The following ZNF479 variants were observed in gnomAD, a reference collection of about 807,000 sequenced individuals.
The protein encoded by ZNF479 is KRAB zinc finger protein KR19.
Under a neutral mutation model 14.7 loss-of-function variants are expected in ZNF479, and 15 were observed. The ratio of observed to expected loss-of-function variants is 1.02; its 90% CI spans 0.68 to 1.57. ZNF479 has a LOEUF of 1.57. Among genes scored for constraint, ZNF479 ranks in the 40% most tolerant of loss-of-function variants. The pLI is 0.00. For missense variants in ZNF479, 506 were observed against 615.1 expected, an observed-to-expected ratio of 0.82 and a Z score of 1.88; for synonymous variants, 145 against 211.5, an observed-to-expected ratio of 0.69 and a Z score of 2.73.
rs13225770 is a variant in ZNF479, at chr7:57,124,389, C to A, written c.262+1629G>T. Among the ~76,000 whole-genome samples the A allele has an allele frequency of 8.5e-5, 13 of 152,292 alleles. No homozygotes were observed. In the South Asian group the frequency reaches 2.7e-3, roughly 32 times the overall value. ...GGAGAAAATATAATCCCTTCAACAG[C>A]TAATGTTGAAAACTGGACATCTACA... On this transcript the variant is annotated intron_variant, in intron 3 of 3. Transcript: ENST00000319636.
At chr7:57,127,315 G>A (rs1464348175) in intron 1 of ZNF479, among the ~76,000 whole-genome samples, 2 of 151,996 alleles carry the variant, frequency 1.3e-5, no homozygotes, top group East Asian at 1.9e-4. Flanking sequence ...GAGCCACTGC[G>A]CCTGGCCGGA....
chr7:57,132,124 A>G (rs1254520924), intron 1 of ZNF479, among the ~76,000 whole-genome samples, 162 bp downstream of exon 1: 1 of 152,174 alleles, frequency 6.6e-6, no homozygotes, highest in Non-Finnish European at 1.5e-5. Flanking sequence ...CCCAGGCACC[A>G]TCTTGCGGCT....
At chr7:57,131,295 G>C (rs1786406548) in intron 1 of ZNF479, among the ~76,000 whole-genome samples, 1 of 151,978 alleles carries the variant, frequency 6.6e-6, no homozygotes. Context: ...GGGTGCGGTG[G>C]CTCACACCTG....
At chr7:57,125,710 T>C (rs1786133448) in intron 3 of ZNF479, among the ~76,000 whole-genome samples, 1 of 152,080 alleles carries the variant, frequency 6.6e-6, no homozygotes, top group Non-Finnish European at 1.5e-5. Flanking sequence ...TATGCAGATA[T>C]TAGTGTGTCC....
In ZNF479 at chr7:57,121,684, T is replaced by C. The variant is rs192595348; in HGVS notation, c.263-532A>G. Among the ~76,000 whole-genome samples the C allele has an allele frequency of 4.3e-3, 649 of 152,222 alleles. 4 individuals are homozygous for C. The highest frequency in any genetic ancestry group is 0.014 in the African/African-American group (573 of 41,524). Reference sequence around the variant, plus strand: ...ATCCCAGAATCTCTACCAAAGACAATTGGTGTCATGCTATGACAGGAAGGA... The same window carrying C: ...ATCCCAGAATCTCTACCAAAGACAACTGGTGTCATGCTATGACAGGAAGGA... On this transcript the variant is annotated intron_variant, in intron 3 of 3. Transcript: ENST00000319636.
intron 1 of ZNF479, among the ~76,000 whole-genome samples, 175 bp downstream of exon 1, chr7:57,132,111 T>C: frequency 6.6e-6 from 1 of 152,152 alleles, no homozygotes; most frequent in East Asian, 1.9e-4. Context: ...TGCCAGGTGC[T>C]GGCCCAGGCA....
At chr7:57,137,206 T>C (rs1396875789), upstream of ZNF479, among the ~76,000 whole-genome samples, 2 of 152,190 alleles carry the variant, frequency 1.3e-5, no homozygotes, top group Non-Finnish European at 2.9e-5. Context: ...GCACAATCTT[T>C]GCTCACTACA....
intron 1 of ZNF479, among the ~76,000 whole-genome samples, chr7:57,127,984 G>A (rs1173236964): frequency 6.0e-5 from 9 of 149,304 alleles, no homozygotes; most frequent in Non-Finnish European, 1.0e-4. Flanking sequence ...CACCCAGGCT[G>A]GAGTGCAGTG....
upstream of ZNF479, among the ~76,000 whole-genome samples, chr7:57,134,452 A>C (rs1416091819): frequency 6.6e-6 from 1 of 152,194 alleles, no homozygotes; most frequent in East Asian, 1.9e-4. Context: ...AGAAACACCC[A>C]GTTCTGGAAA....
intron 3 of ZNF479, among the ~76,000 whole-genome samples, chr7:57,125,527 A>C (rs13235192): frequency 6.6e-6 from 1 of 151,488 alleles, no homozygotes; most frequent in Non-Finnish European, 1.5e-5. Context: ...AAAAATTAAA[A>C]AATTTGTAAA....
chr7:57,129,728 G>C (rs551435775), intron 1 of ZNF479, among the ~76,000 whole-genome samples: 18 of 152,202 alleles, frequency 1.2e-4, no homozygotes, highest in Admixed American at 5.2e-4. Flanking sequence ...TTGGTACTAA[G>C]TGCTGAATAA....
In ZNF479 at chr7:57,120,594, C is replaced by CA; in HGVS notation, c.820dup (p.Cys274LeufsTer6). 2 of 1,613,972 alleles carry CA rather than the reference C, an allele frequency of 1.2e-6. No homozygotes were observed. Among genetic ancestry groups the CA allele is most frequent in the South Asian group, 2.2e-5 (2 of 91,076 alleles). The stretch of plus-strand genomic sequence containing the variant: ...TGAGGAGCGCCTAAAGGCTTGGCCA[C>CA]ATTCTTCACACGTGTAGGGTTTCTC... On this transcript the variant is annotated frameshift_variant, in exon 4 of 4. Coordinates refer to ENST00000319636, the MANE Select transcript of ZNF479 (RefSeq NM_001370129.2). LOFTEE classifies it low-confidence loss of function (END_TRUNC).
rs1785829094 is a variant in ZNF479 at position 57,119,941 on chromosome 7, G to A, written c.1474C>T (p.Pro492Ser). 6.2e-7 allele frequency: 1 copy of A among 1,613,994 alleles called. No homozygotes were observed. The highest frequency in any genetic ancestry group is 8.5e-7 in the Non-Finnish European group (1 of 1,179,968). ...QHKRIHTGEK[P>S]YKCEECEQAF... is the part of the protein sequence containing the mutation. ...TGCTCACATTCTTCACATTTGTAGG[G>A]TTTCTCTCCAGTATGAATTCTCTTA... Residue 492 changes from proline to serine, a missense_variant, in exon 4 of 4, where the codon CCC becomes TCC. Physicochemically the swap from Pro to Ser is moderately conservative, Grantham distance 74. Transcript: ENST00000319636.
rs190929635 is a variant in ZNF479, at chr7:57,119,776, T to C, written c.*64A>G. On this transcript the variant is annotated 3_prime_UTR_variant, in exon 4 of 4. Coordinates refer to ENST00000319636, the MANE Select transcript of ZNF479 (RefSeq NM_001370129.2). ...GGCTTGGCCACATTCTCTACATTTG[T>C]AGTGTTTTTTTCCAGTGTAAATTAT... 7 of 1,320,296 alleles carry C rather than the reference T, an allele frequency of 5.3e-6. No homozygotes were observed. Among genetic ancestry groups the C allele is most frequent in the Non-Finnish European group, 7.3e-6 (7 of 953,636 alleles). 81.8% of individuals were successfully genotyped at this position (1,320,296 alleles called of 1,614,324 possible).
chr7:57,127,937 A>T (rs867376852), intron 1 of ZNF479, among the ~76,000 whole-genome samples: 96 of 139,342 alleles, frequency 6.9e-4, no homozygotes, highest in East Asian at 5.4e-3. Context: ...ATATATATAT[A>T]TTTTTTTTTT....
chr7:57,122,394 T>A (rs1785992774), intron 3 of ZNF479, among the ~76,000 whole-genome samples: 1 of 149,906 alleles, frequency 6.7e-6, no homozygotes, highest in African/African-American at 2.4e-5. Flanking sequence ...TGAAAAGAGG[T>A]CTTTCCACTT....
Position 57,121,536 on chromosome 7 carries a change from A to AT in ZNF479, c.263-385dup, listed in dbSNP as rs1162139797. On this transcript the variant is annotated intron_variant, in intron 3 of 3. Transcript: ENST00000319636. ...ACAACTGCAGAAAGACTGCAGTATG[A>AT]TGGGCAGAAGATAGGTGTAGAACGT... Among the ~76,000 whole-genome samples, 4 of 152,228 alleles carry AT rather than the reference A, an allele frequency of 2.6e-5. No homozygotes were observed. The East Asian group carries it at 7.7e-4, about 29-fold the overall frequency.
At chr7:57,127,015 C>CTTTTTTT (rs1175973407) in intron 1 of ZNF479, among the ~76,000 whole-genome samples, 6 of 130,342 alleles carry the variant, frequency 4.6e-5, no homozygotes, top group East Asian at 2.7e-4. Context: ...TTCTGTTTTT[C>CTTTTTTT]TTTTTTTTTT....
upstream of ZNF479, among the ~76,000 whole-genome samples, chr7:57,133,769 G>A (rs2115901136): frequency 6.6e-6 from 1 of 152,174 alleles, no homozygotes; most frequent in South Asian, 2.1e-4. Flanking sequence ...GGGAGGCTGA[G>A]ACAGGAGAAT....
Sources: allele counts gnomAD v4.1 joint callset (sites outside exome capture counted in the v4.1 genomes callset), GRCh38; gene constraint gnomAD v4.1.1; transcripts MANE v1.5; gene names NCBI Gene and HGNC (gene_info 2026-07-23, HGNC 2026-07-21).